The following ADAM10 variants were observed in gnomAD, a reference collection of about 807,000 sequenced individuals.
The protein encoded by ADAM10 is disintegrin and metalloproteinase domain-containing protein 10.
In ADAM10, 17 loss-of-function variants were observed where a neutral mutation model predicts 90.1. That is an observed-to-expected ratio of 0.19 (90% confidence interval 0.13 to 0.28). The LOEUF (loss-of-function observed/expected upper bound fraction) is 0.28. Among genes scored for constraint, ADAM10 ranks in the 10% least tolerant of loss-of-function variants. The pLI, the probability that ADAM10 is intolerant of heterozygous loss-of-function variation, is 1.00. For synonymous variants in ADAM10, 310 were observed against 298.6 expected (o/e 1.04, Z -0.40); for missense variants, 610 against 914.3 (o/e 0.67, Z 4.29).
intron 5 of ADAM10, among the ~76,000 whole-genome samples, chr15:58,656,441 T>TA (rs1896831644): frequency 6.6e-6 from 1 of 152,280 alleles, no homozygotes; most frequent in Middle Eastern, 3.4e-3. Context: ...TCTCCGGTGG[T>TA]ATGATTTAAT....
intron 2 of ADAM10, among the ~76,000 whole-genome samples, chr15:58,694,536 C>T (rs1897921969): frequency 6.6e-6 from 1 of 152,018 alleles, no homozygotes; most frequent in Non-Finnish European, 1.5e-5. Context: ...GAAACCCCAT[C>T]TAAAACAAAC....
chr15:58,720,394 ATTTTATTTTAT>A (rs1394838162), intron 1 of ADAM10, among the ~76,000 whole-genome samples: 3 of 145,706 alleles, frequency 2.1e-5, no homozygotes, highest in Non-Finnish European at 4.5e-5. Context: ...ATTTTATTTT[ATTTTATTTTAT>A]TTTTTTTTTT....
At chr15:58,689,758 A>G (rs1433275205) in intron 2 of ADAM10, among the ~76,000 whole-genome samples, 1 of 152,106 alleles carries the variant, frequency 6.6e-6, no homozygotes, top group African/African-American at 2.4e-5. Context: ...ATCACAAAAT[A>G]TAGAAAATCT....
At chr15:58,629,971 G>A (rs937528308) in intron 9 of ADAM10, among the ~76,000 whole-genome samples, 2 of 151,860 alleles carry the variant, frequency 1.3e-5, no homozygotes, top group Non-Finnish European at 2.9e-5. Flanking sequence ...ACGGGGTTTC[G>A]CCATGTTGCC....
chr15:58,745,023 A>G (rs568448766), intron 1 of ADAM10, among the ~76,000 whole-genome samples: 11 of 152,306 alleles, frequency 7.2e-5, no homozygotes, highest in African/African-American at 2.6e-4. Flanking sequence ...TCTCTAGTAA[A>G]AATACAAAAA....
At chr15:58,718,486 G>T (rs1245953950) in intron 1 of ADAM10, among the ~76,000 whole-genome samples, 2 of 151,726 alleles carry the variant, frequency 1.3e-5, no homozygotes, top group Non-Finnish European at 2.9e-5. Flanking sequence ...AAAAAAATGT[G>T]TTGAGAAGTA....
chr15:58,729,476 C>A (rs1279139641), intron 1 of ADAM10, among the ~76,000 whole-genome samples: 1 of 152,190 alleles, frequency 6.6e-6, no homozygotes, highest in Non-Finnish European at 1.5e-5. Flanking sequence ...ACTGACCCCA[C>A]AAATGACTCA....
chr15:58,704,421 CT>C (rs1286292215), intron 2 of ADAM10, among the ~76,000 whole-genome samples: 1 of 152,136 alleles, frequency 6.6e-6, no homozygotes, highest in Non-Finnish European at 1.5e-5. Context: ...TTAATGCATT[CT>C]TTTAACTGAT....
intron 5 of ADAM10, among the ~76,000 whole-genome samples, chr15:58,655,024 CAGATTA>C (rs1388204569): frequency 6.6e-6 from 1 of 152,108 alleles, no homozygotes. Flanking sequence ...TTCTATACTG[CAGATTA>C]AGTCTGATGT....
intron 2 of ADAM10, chr15:58,698,285 A>G (rs1317263194): frequency 2.2e-6 from 1 of 451,432 alleles, no homozygotes; most frequent in Admixed American, 2.4e-5. Context: ...TTTACCAAAG[A>G]CAGATATCAT....
chr15:58,679,105 A>C lies in ADAM10; in HGVS notation c.484+19T>G. On this transcript the variant is annotated intron_variant, in intron 4 of 15. Transcript: ENST00000260408. The stretch of plus-strand genomic sequence containing the variant: ...TATGCCTTTTGAAAAAGGCTACTTG[A>C]TAAAACTTAAGTACTTACTAATATC... The C allele has an allele frequency of 6.2e-7, 1 of 1,610,264 alleles. No homozygotes were observed. The highest frequency in any genetic ancestry group is 1.1e-5 in the South Asian group (1 of 90,728).
At chr15:58,605,666 G>A (rs1895250775) in intron 14 of ADAM10, among the ~76,000 whole-genome samples, 4 of 152,004 alleles carry the variant, frequency 2.6e-5, no homozygotes, top group Admixed American at 1.3e-4. Context: ...TGAGTGCCAG[G>A]GTCTTATATC....
chr15:58,597,475 C>CT lies in ADAM10; in HGVS notation c.*71dup, dbSNP rs549746482. The CT allele has an allele frequency of 7.4e-6, 12 of 1,611,064 alleles. No homozygotes were observed. The South Asian group carries it at 1.2e-4, about 16-fold the overall frequency. On this transcript the variant is annotated 3_prime_UTR_variant, in exon 16 of 16. Coordinates refer to ENST00000260408, the MANE Select transcript of ADAM10 (RefSeq NM_001110.4). ...TGAGGGTTTAGTTTGGAGATGATGA[C>CT]TTAATAGGTTTCTCTTTGGAGTGAA...
At chr15:58,704,006 T>A (rs546930692) in intron 2 of ADAM10, 4 of 152,520 alleles carry the variant, frequency 2.6e-5, no homozygotes, top group Non-Finnish European at 5.9e-5. Context: ...AGGATGGTCG[T>A]CCTCTTCGAC....
Position 58,665,169 on chromosome 15 carries a change from C to T in ADAM10, c.513G>A (p.Gly171=). The T allele has an allele frequency of 2.5e-6, 4 of 1,612,984 alleles. No homozygotes were observed. Among genetic ancestry groups the T allele is most frequent in the Non-Finnish European group, 3.4e-6 (4 of 1,179,132 alleles). Residue 171 remains glycine (G), a synonymous_variant, in exon 5 of 16, where the codon GGG becomes GGA. Transcript: ENST00000260408. ...INYPHKYGPQ[G]GCADHSVFER... is the part of the protein sequence containing the mutation. ...CAAATACTGAATGATCTGCACAGCC[C>T]CCCTGAGGACCGTATTTATGGGGAT...
intron 2 of ADAM10, among the ~76,000 whole-genome samples, chr15:58,695,592 C>A (rs959429509): frequency 6.6e-6 from 1 of 151,764 alleles, no homozygotes. Context: ...CACTAGTATT[C>A]TATATGGTAA....
rs540998775 is a variant in ADAM10 at position 58,697,162 on chromosome 15, G to A, written c.207-14848C>T. Among the ~76,000 whole-genome samples the A allele has an allele frequency of 9.2e-5, 14 of 152,216 alleles. No individual in the cohort carries two copies. The East Asian group carries it at 2.7e-3, about 29-fold the overall frequency. On this transcript the variant is annotated intron_variant, in intron 2 of 15. Transcript: ENST00000260408. ...ACCACTCCTGCTGGCTGCTGCCACT[G>A]GTGCTAAACCACAAACTATTGGCAG...
At chr15:58,639,783 G>A (rs548016299) in intron 8 of ADAM10, among the ~76,000 whole-genome samples, 97 of 151,598 alleles carry the variant, frequency 6.4e-4, no homozygotes, top group Middle Eastern at 3.4e-3. Context: ...AAATACAAAG[G>A]AAAATACAGC....
At chr15:58,669,543 G>C (rs1204777978) in intron 4 of ADAM10, among the ~76,000 whole-genome samples, 5 of 152,244 alleles carry the variant, frequency 3.3e-5, no homozygotes, top group African/African-American at 9.6e-5. Context: ...AATTCTTTGG[G>C]TATTTTGCTT....
Sources: gnomAD v4.1 joint callset for allele counts (sites outside exome capture counted in the v4.1 genomes callset) on GRCh38, gnomAD v4.1.1 for gene constraint, MANE v1.5 for transcripts, NCBI Gene and HGNC (gene_info 2026-07-23, HGNC 2026-07-21) for gene names.